Variants in TMEM41B observed in about 807,000 individuals in gnomAD.
The protein encoded by TMEM41B is transmembrane protein 41B.
TMEM41B carries 18 observed loss-of-function variants against 31.9 expected under a neutral mutation model. The observed-to-expected ratio is 0.56, with a 90% CI of 0.39 to 0.84. TMEM41B has a LOEUF of 0.84. TMEM41B is among the 40% of genes least tolerant of loss of function. The pLI, the probability that TMEM41B is intolerant of heterozygous loss-of-function variation, is 0.00. For synonymous variants in TMEM41B, 144 were observed against 124.3 expected, an observed-to-expected ratio of 1.16 and a Z score of -1.05; for missense variants, 322 against 348.0, an observed-to-expected ratio of 0.93 and a Z score of 0.59.
chr11:9,314,259 T>C, intron 1 of TMEM41B, 62 bp downstream of exon 1: 2 of 1,514,392 alleles, frequency 1.3e-6, no homozygotes, highest in Non-Finnish European at 1.8e-6. Context: ...GGGGGTCCTT[T>C]TCCCCACCCG....
chr11:9,297,652 C>G (rs183340702), intron 2 of TMEM41B, among the ~76,000 whole-genome samples: 2 of 151,900 alleles, frequency 1.3e-5, no homozygotes, highest in Non-Finnish European at 2.9e-5. Flanking sequence ...GATTGCACCA[C>G]GGCACTCCAG....
intron 1 of TMEM41B, among the ~76,000 whole-genome samples, chr11:9,302,007 G>GTTT (rs11297732): frequency 8.2e-6 from 1 of 122,550 alleles, no homozygotes; most frequent in Non-Finnish European, 1.7e-5. Flanking sequence ...ATTTTTCTCG[G>GTTT]TTTTTTTTTT....
At chr11:9,285,243 T>C in intron 6 of TMEM41B, among the ~76,000 whole-genome samples, 1 of 151,998 alleles carries the variant, frequency 6.6e-6, no homozygotes, top group East Asian at 1.9e-4. Context: ...TGCCACCACA[T>C]TCAGCTAATT....
At chr11:9,298,176 A>G (rs1317100270) in intron 2 of TMEM41B, among the ~76,000 whole-genome samples, 1 of 151,092 alleles carries the variant, frequency 6.6e-6, no homozygotes, top group Non-Finnish European at 1.5e-5. Flanking sequence ...AAAAGACTCT[A>G]GGCTGGGCAC....
chr11:9,305,189 A>G (rs912922924), intron 1 of TMEM41B, among the ~76,000 whole-genome samples: 2 of 149,188 alleles, frequency 1.3e-5, no homozygotes, highest in Admixed American at 6.7e-5. Flanking sequence ...AAAGTAGGTA[A>G]GGAATGAGGG....
chr11:9,305,897 T>C (rs1306347050), intron 1 of TMEM41B, among the ~76,000 whole-genome samples: 1 of 151,956 alleles, frequency 6.6e-6, no homozygotes, highest in Admixed American at 6.6e-5. Context: ...AAATTTATAG[T>C]ATACACATTT....
At chr11:9,289,494 T>A (rs1460867009) in intron 3 of TMEM41B, among the ~76,000 whole-genome samples, 1 of 152,016 alleles carries the variant, frequency 6.6e-6, no homozygotes, top group African/African-American at 2.4e-5. Context: ...CTCATTTCAA[T>A]CTCCTCCTCC....
intron 2 of TMEM41B, among the ~76,000 whole-genome samples, chr11:9,296,213 T>A (rs922977843): frequency 6.6e-6 from 1 of 152,106 alleles, no homozygotes; most frequent in African/African-American, 2.4e-5. Context: ...TTTTTTCTTT[T>A]TAATGTCTCA....
In TMEM41B at chr11:9,297,636, A is replaced by C. The variant is rs191562870; in HGVS notation, c.239+1948T>G. Among the ~76,000 whole-genome samples, 391 of 152,154 alleles carry C rather than the reference A, an allele frequency of 2.6e-3. 1 individual carries two copies. Among genetic ancestry groups the C allele is most frequent in the African/African-American group, 9.1e-3 (378 of 41,538 alleles). Reference sequence around the variant, plus strand: ...GAACTGGGAGGTGGGGGCTGCAGTAAGCCAAGATTGCACCACGGCACTCCA... The same window carrying C: ...GAACTGGGAGGTGGGGGCTGCAGTACGCCAAGATTGCACCACGGCACTCCA... On this transcript the variant is annotated intron_variant, in intron 2 of 6. Coordinates refer to ENST00000528080, the MANE Select transcript of TMEM41B (RefSeq NM_015012.4).
At chr11:9,287,663 CAA>C (rs1322776635) in intron 5 of TMEM41B, 37 bp downstream of exon 5, 1 of 1,445,670 alleles carries the variant, frequency 6.9e-7, no homozygotes, top group Non-Finnish European at 9.6e-7. Flanking sequence ...TTCCAATTAA[CAA>C]AGAGTTACAT....
In TMEM41B at chr11:9,303,650, CTTTT is replaced by C. The variant is rs71062827; in HGVS notation, c.122-3953_122-3950del. Among the ~76,000 whole-genome samples, 21 of 104,770 alleles carry C rather than the reference CTTTT, an allele frequency of 2.0e-4. 1 individual carries two copies. Among genetic ancestry groups the C allele is most frequent in the East Asian group, 5.5e-4 (2 of 3,644 alleles). The allele number at this position is 104,770 out of a possible 152,430, so 68.7% of individuals were successfully genotyped here. On this transcript the variant is annotated intron_variant, in intron 1 of 6. Coordinates refer to ENST00000528080, the MANE Select transcript of TMEM41B (RefSeq NM_015012.4). Reference sequence around the variant, plus strand: ...CCAACTAGTCCCTATTATTCTTTTTCTTTTTTTTTTTTTTTTTTTTTGAGACAGA... The same window carrying C: ...CCAACTAGTCCCTATTATTCTTTTTCTTTTTTTTTTTTTTTTTGAGACAGA...
chr11:9,296,650 T>C (rs1251212204), intron 2 of TMEM41B, among the ~76,000 whole-genome samples: 1 of 149,408 alleles, frequency 6.7e-6, no homozygotes, highest in Non-Finnish European at 1.5e-5. Context: ...GAACCACTGA[T>C]GTTAGTAAAT....
At chr11:9,288,901 A>G (rs956362467) in intron 3 of TMEM41B, among the ~76,000 whole-genome samples, 1 of 152,220 alleles carries the variant, frequency 6.6e-6, no homozygotes, top group Non-Finnish European at 1.5e-5. Context: ...TAATTTAACT[A>G]TGAAGGTTTA....
intron 3 of TMEM41B, among the ~76,000 whole-genome samples, chr11:9,292,034 C>T (rs1359871466): frequency 6.6e-6 from 1 of 152,130 alleles, no homozygotes; most frequent in African/African-American, 2.4e-5. Context: ...AAATATGATA[C>T]CATTGTCAGA....
At chr11:9,296,874 C>T (rs546261186) in intron 2 of TMEM41B, among the ~76,000 whole-genome samples, 1 of 152,194 alleles carries the variant, frequency 6.6e-6, no homozygotes, top group African/African-American at 2.4e-5. Flanking sequence ...AGGAAAGCCT[C>T]GAATAATCAC....
chr11:9,306,328 G>A (rs1343575401), intron 1 of TMEM41B, among the ~76,000 whole-genome samples: 3 of 151,936 alleles, frequency 2.0e-5, no homozygotes, highest in Non-Finnish European at 4.4e-5. Context: ...CTAATTCCCA[G>A]TCTGAATTAC....
rs1368758321 is a variant in TMEM41B, at chr11:9,282,141, G to A, written c.*1283C>T. On this transcript the variant is annotated 3_prime_UTR_variant, in exon 7 of 7. Transcript: ENST00000528080. ...GCCTGTAATCCCAGCACTTTGGGAG[G>A]TGGAAGTGGGCATATAGCCTGAGGT... The A allele has an allele frequency of 2.6e-5, 4 of 152,160 alleles. No homozygotes were observed. Among genetic ancestry groups the A allele is most frequent in the African/African-American group, 7.2e-5 (3 of 41,434 alleles). 9.4% of individuals were successfully genotyped at this position (152,160 alleles called of 1,614,324 possible).
At chr11:9,307,744 T>G (rs1233955110) in intron 1 of TMEM41B, among the ~76,000 whole-genome samples, 1 of 149,988 alleles carries the variant, frequency 6.7e-6, no homozygotes, top group African/African-American at 2.5e-5. Context: ...GCCCAGCCAA[T>G]AAAATCATTT....
intron 1 of TMEM41B, among the ~76,000 whole-genome samples, chr11:9,309,647 G>A (rs1399688567): frequency 6.6e-6 from 1 of 151,666 alleles, no homozygotes; most frequent in African/African-American, 2.4e-5. Context: ...TGTCAGCCAG[G>A]CGCAGTGGCT....
Sources: gnomAD v4.1 joint callset for allele counts (sites outside exome capture counted in the v4.1 genomes callset) on GRCh38, gnomAD v4.1.1 for gene constraint, MANE v1.5 for transcripts, NCBI Gene and HGNC (gene_info 2026-07-23, HGNC 2026-07-21) for gene names.